The following ZBTB20 variants were observed in gnomAD, a reference collection of about 807,000 sequenced individuals.
ZBTB20 encodes the protein zinc finger and BTB domain containing 20, also known as zinc finger and BTB domain-containing protein 20.
ZBTB20 carries 9 observed loss-of-function variants against 56.9 expected under a neutral mutation model. The ratio of observed to expected loss-of-function variants is 0.16; its 90% CI spans 0.10 to 0.28. ZBTB20 has a LOEUF of 0.28. Among genes scored for constraint, ZBTB20 ranks in the 10% least tolerant of loss-of-function variants. The pLI is 1.00. For missense variants in ZBTB20, 655 were observed against 1,003.0 expected (o/e 0.65, Z 4.69); for synonymous variants, 417 against 420.7 (o/e 0.99, Z 0.11).
chr3:114,404,328 A>G (rs1408021539), intron 7 of ZBTB20, among the ~76,000 whole-genome samples: 1 of 152,066 alleles, frequency 6.6e-6, no homozygotes, highest in Non-Finnish European at 1.5e-5. Flanking sequence ...TTATTTCTAT[A>G]TTTATGTCTT....
At chr3:114,488,380 T>C (rs1161398798) in intron 7 of ZBTB20, among the ~76,000 whole-genome samples, 1 of 152,260 alleles carries the variant, frequency 6.6e-6, no homozygotes, top group Non-Finnish European at 1.5e-5. Flanking sequence ...ATAGCTATTC[T>C]TAAAATATTA....
intron 6 of ZBTB20, among the ~76,000 whole-genome samples, chr3:114,664,187 T>A (rs1444528786): frequency 6.6e-6 from 1 of 152,008 alleles, no homozygotes; most frequent in Admixed American, 6.6e-5. Flanking sequence ...TCACAACCCC[T>A]TGCAAAACCT....
intron 5 of ZBTB20, among the ~76,000 whole-genome samples, chr3:114,792,445 C>T (rs894140678): frequency 6.6e-6 from 1 of 152,110 alleles, no homozygotes; most frequent in Non-Finnish European, 1.5e-5. Context: ...CAGATAATCT[C>T]AGAAGTCAAA....
chr3:114,368,733 G>T (rs948828572), intron 10 of ZBTB20, among the ~76,000 whole-genome samples: 9 of 152,232 alleles, frequency 5.9e-5, no homozygotes, highest in Non-Finnish European at 1.2e-4. Context: ...GGCTGGAAGT[G>T]GGGGCACGCT....
intron 6 of ZBTB20, among the ~76,000 whole-genome samples, chr3:114,632,344 C>A (rs1045882048): frequency 6.6e-6 from 1 of 152,180 alleles, no homozygotes; most frequent in African/African-American, 2.4e-5. Context: ...TCTCCTCCAA[C>A]ACACATGCAC....
chr3:114,485,709 G>C (rs953393164), intron 7 of ZBTB20, among the ~76,000 whole-genome samples: 1 of 152,062 alleles, frequency 6.6e-6, no homozygotes, highest in Non-Finnish European at 1.5e-5. Context: ...ATGGATTTGT[G>C]CCCTTATATA....
At chr3:114,744,493 CT>C (rs62832260) in intron 5 of ZBTB20, among the ~76,000 whole-genome samples, 2,070 of 152,198 alleles carry the variant, frequency 0.014, 52 homozygotes, top group African/African-American at 0.046. Context: ...TATCTTTTTA[CT>C]GTAATTTATC....
intron 6 of ZBTB20, among the ~76,000 whole-genome samples, chr3:114,544,409 CTTTCTTTCTT>C (rs1314918108): frequency 0.069 from 352 of 5,124 alleles, 6 homozygotes; most frequent in African/African-American, 0.12. Flanking sequence ...TAGATTTCTT[CTTTCTTTCTT>C]TCTTTCTTTC....
chr3:114,919,924 T>A (rs1229868034), intron 3 of ZBTB20, among the ~76,000 whole-genome samples: 1 of 152,076 alleles, frequency 6.6e-6, no homozygotes, highest in African/African-American at 2.4e-5. Context: ...AGTGAAGACA[T>A]GAGAAAAGAT....
intron 6 of ZBTB20, among the ~76,000 whole-genome samples, chr3:114,530,403 C>T (rs921959648): frequency 6.6e-6 from 1 of 152,118 alleles, no homozygotes; most frequent in African/African-American, 2.4e-5. Context: ...AGCCTAAAAG[C>T]AATAGGCTAT....
intron 4 of ZBTB20, among the ~76,000 whole-genome samples, chr3:114,826,609 A>G (rs891163001): frequency 6.6e-6 from 1 of 151,730 alleles, no homozygotes; most frequent in African/African-American, 2.4e-5. Context: ...AGTCTGACAT[A>G]TGGGTCCCTC....
intron 5 of ZBTB20, among the ~76,000 whole-genome samples, chr3:114,739,081 G>A (rs1191586939): frequency 3.9e-5 from 6 of 152,244 alleles, no homozygotes; most frequent in South Asian, 2.1e-4. Context: ...TCGTGCCAAC[G>A]TATTGAAGTG....
At chr3:114,585,739 T>C (rs545603103) in intron 6 of ZBTB20, among the ~76,000 whole-genome samples, 1 of 152,276 alleles carries the variant, frequency 6.6e-6, no homozygotes, top group South Asian at 2.1e-4. Flanking sequence ...TTCTTCTGCA[T>C]AATAAAATGA....
At chr3:115,052,025 TC>T (rs1349417640) in intron 2 of ZBTB20, among the ~76,000 whole-genome samples, 1 of 151,826 alleles carries the variant, frequency 6.6e-6, no homozygotes, top group Non-Finnish European at 1.5e-5. Flanking sequence ...TCTGATCACC[TC>T]CCATCAAGTC....
intron 5 of ZBTB20, among the ~76,000 whole-genome samples, chr3:114,726,939 A>AAAAG (rs2065348662): frequency 6.7e-6 from 1 of 148,392 alleles, no homozygotes; most frequent in Non-Finnish European, 1.5e-5. Flanking sequence ...AAAAAAAAAA[A>AAAAG]GTCAGTGAGA....
chr3:114,537,251 C>A (rs901484910), intron 6 of ZBTB20, among the ~76,000 whole-genome samples: 3 of 151,994 alleles, frequency 2.0e-5, no homozygotes, highest in Admixed American at 6.6e-5. Context: ...TAACAAAGGG[C>A]TAATATCCAG....
rs2078822034 is a variant in ZBTB20, at chr3:114,319,667, G to GT, written c.*19337dup. 6.6e-6 allele frequency: 1 copy of GT among 152,146 alleles called. No homozygotes were observed. The allele number at this position is 152,146 out of a possible 1,614,324, so 9.4% of individuals were successfully genotyped here. A position where few individuals can be genotyped will look rare whatever the true frequency, so the allele number is the denominator to read the frequency against. ...TGCTGATACCAATGAGTCACTGACA[G>GT]TCCCCAGGTTGTACAACTATCCATT... On this transcript the variant is annotated 3_prime_UTR_variant, in exon 12 of 12. Transcript: ENST00000675478.
chr3:115,130,657 T>C (rs1205099344), intron 1 of ZBTB20, among the ~76,000 whole-genome samples: 2 of 152,068 alleles, frequency 1.3e-5, no homozygotes, highest in Non-Finnish European at 2.9e-5. Context: ...TTAAAGAAAA[T>C]GCAAATATAA....
At chr3:114,911,985 T>C (rs959163318) in intron 3 of ZBTB20, among the ~76,000 whole-genome samples, 2 of 151,310 alleles carry the variant, frequency 1.3e-5, no homozygotes, top group Non-Finnish European at 2.9e-5. Context: ...TTGTCAAAAG[T>C]GAAAGACAAA....
Sources: allele counts gnomAD v4.1 joint callset (sites outside exome capture counted in the v4.1 genomes callset), GRCh38; gene constraint gnomAD v4.1.1; transcripts MANE v1.5; gene names NCBI Gene and HGNC (gene_info 2026-07-23, HGNC 2026-07-21).